MAPK10: variants seen among roughly 807,000 people sequenced by gnomAD.
MAPK10 encodes the protein mitogen-activated protein kinase 10.
A neutral mutation model predicts 59.3 loss-of-function variants in MAPK10; 25 were observed. The observed-to-expected ratio is 0.42, with a 90% CI of 0.31 to 0.59. MAPK10 has a LOEUF of 0.59. Among genes scored for constraint, MAPK10 ranks in the 20% least tolerant of loss-of-function variants. The pLI is 0.15. For missense variants in MAPK10, 351 were observed against 568.9 expected (o/e 0.62, Z 3.90); for synonymous variants, 190 against 200.5 (o/e 0.95, Z 0.44).
chr4:86,545,391 A>C (rs1759068781), intron 1 of MAPK10, among the ~76,000 whole-genome samples: 1 of 151,962 alleles, frequency 6.6e-6, no homozygotes, highest in African/African-American at 2.4e-5. Flanking sequence ...TTTAGTGAGG[A>C]TGGGGGAAGC....
intron 2 of MAPK10, among the ~76,000 whole-genome samples, chr4:86,195,164 G>T (rs1246529936): frequency 6.6e-6 from 1 of 152,052 alleles, no homozygotes; most frequent in African/African-American, 2.4e-5. Context: ...TGCCAAATTA[G>T]GTACTAAGTT....
At chr4:86,501,302 A>G (rs538168713) in intron 1 of MAPK10, among the ~76,000 whole-genome samples, 32 of 152,010 alleles carry the variant, frequency 2.1e-4, no homozygotes, top group Non-Finnish European at 4.3e-4. Context: ...TATAGTCTTC[A>G]ACAGCTTTCA....
rs1733470573 is a variant in MAPK10, at chr4:86,354,618, C to A, written c.-95G>T. ...TGCCATAGTGAAGATCTGAGATGGG[C>A]CTGCTGTTGGTGTTTCTCACACTAG... On this transcript the variant is annotated 5_prime_UTR_variant, in exon 2 of 14. Transcript: ENST00000641462. 2 of 1,230,074 alleles carry A rather than the reference C, an allele frequency of 1.6e-6. No individual in the cohort carries two copies. Among genetic ancestry groups the A allele is most frequent in the Non-Finnish European group, 1.0e-6 (1 of 986,416 alleles). The allele number at this position is 1,230,074 out of a possible 1,614,324, so 76.2% of individuals were successfully genotyped here.
At chr4:86,067,993 ACCACTAG>A in intron 9 of MAPK10, 38 bp from the exon 10 acceptor site, 1 of 1,411,510 alleles carries the variant, frequency 7.1e-7, no homozygotes, top group Non-Finnish European at 9.7e-7. Context: ...AGAAGAGCAG[ACCACTAG>A]CCTTTCAACA....
At chr4:86,301,968 T>C (rs565580529) in intron 2 of MAPK10, among the ~76,000 whole-genome samples, 53 of 152,322 alleles carry the variant, frequency 3.5e-4, no homozygotes, top group African/African-American at 1.2e-3. Flanking sequence ...GCCATTTCAC[T>C]GGCATCTCAG....
intron 4 of MAPK10, among the ~76,000 whole-genome samples, chr4:86,148,535 A>C (rs180900190): frequency 3.3e-5 from 5 of 152,310 alleles, no homozygotes; most frequent in African/African-American, 1.2e-4. Context: ...CCATGATGAT[A>C]GCCCAGCGGG....
intron 2 of MAPK10, among the ~76,000 whole-genome samples, chr4:86,271,292 G>A (rs2094426790): frequency 6.6e-6 from 1 of 151,684 alleles, no homozygotes; most frequent in Non-Finnish European, 1.5e-5. Flanking sequence ...CTTTTTGAGT[G>A]CATATTGGCC....
chr4:86,397,864 CAAAAAAAAAAAAAAAA>C (rs759585442), intron 1 of MAPK10, among the ~76,000 whole-genome samples: 1 of 51,756 alleles, frequency 1.9e-5, no homozygotes, highest in South Asian at 8.0e-4. Context: ...TCTGCTATGG[CAAAAAAAAAAAAAAAA>C]AAAAAAAAAA....
intron 2 of MAPK10, among the ~76,000 whole-genome samples, chr4:86,230,042 C>T (rs1472991691): frequency 6.6e-6 from 1 of 152,210 alleles, no homozygotes; most frequent in Admixed American, 6.5e-5. Flanking sequence ...GCGTGGGCAA[C>T]AGAGCGAGAC....
At chr4:86,540,444 G>A (rs963102764) in intron 1 of MAPK10, among the ~76,000 whole-genome samples, 2 of 152,178 alleles carry the variant, frequency 1.3e-5, no homozygotes, top group African/African-American at 4.8e-5. Flanking sequence ...AGGTTGCAGT[G>A]AGCCGGGATC....
At chr4:86,469,822 G>C (rs527863211) in intron 1 of MAPK10, among the ~76,000 whole-genome samples, 2 of 152,268 alleles carry the variant, frequency 1.3e-5, no homozygotes, top group South Asian at 4.1e-4. Context: ...GCATCCATTT[G>C]AGAGATTTTT....
chr4:86,167,237 C>T (rs2072071700), intron 3 of MAPK10, among the ~76,000 whole-genome samples: 1 of 152,022 alleles, frequency 6.6e-6, no homozygotes, highest in Non-Finnish European at 1.5e-5. Context: ...AGCCTACCAA[C>T]CAAAAAAAAG....
chr4:86,506,245 G>C (rs1755727451), intron 1 of MAPK10, among the ~76,000 whole-genome samples: 1 of 152,158 alleles, frequency 6.6e-6, no homozygotes, highest in African/African-American at 2.4e-5. Context: ...ACTGTCCTCT[G>C]AATAGGACCA....
At chr4:86,530,912 G>A (rs1757802791) in intron 1 of MAPK10, among the ~76,000 whole-genome samples, 1 of 152,166 alleles carries the variant, frequency 6.6e-6, no homozygotes, top group African/African-American at 2.4e-5. Context: ...AATGAGACAA[G>A]AAGACTACTT....
At chr4:86,136,372 G>A (rs1352062294) in intron 4 of MAPK10, among the ~76,000 whole-genome samples, 1 of 152,020 alleles carries the variant, frequency 6.6e-6, no homozygotes, top group Non-Finnish European at 1.5e-5. Context: ...GAGAGTGGGG[G>A]CCAATATTCA....
At chr4:86,471,274 GCAAAAA>G (rs1752640464) in intron 1 of MAPK10, among the ~76,000 whole-genome samples, 1 of 56,004 alleles carries the variant, frequency 1.8e-5, no homozygotes, top group Admixed American at 2.3e-4. Context: ...GTGCCCCCCT[GCAAAAA>G]AAAAAAAAAA....
At chr4:86,397,434 A>G (rs1334731679) in intron 1 of MAPK10, among the ~76,000 whole-genome samples, 11 of 152,138 alleles carry the variant, frequency 7.2e-5, no homozygotes, top group African/African-American at 2.7e-4. Context: ...TTACAACTAC[A>G]TATTTCATGT....
intron 13 of MAPK10, chr4:86,025,498 TAAAC>T (rs764439482): frequency 1.2e-4 from 48 of 398,290 alleles, no homozygotes; most frequent in Non-Finnish European, 1.5e-4. Flanking sequence ...GAAAATCTCT[TAAAC>T]AGAATTGAAC....
intron 2 of MAPK10, among the ~76,000 whole-genome samples, chr4:86,282,257 A>T (rs1278371744): frequency 6.6e-6 from 1 of 152,162 alleles, no homozygotes; most frequent in Non-Finnish European, 1.5e-5. Flanking sequence ...AAATCTCCAC[A>T]ATGTTTTGTG....
Sources: gnomAD v4.1 joint callset for allele counts (sites outside exome capture counted in the v4.1 genomes callset) on GRCh38, gnomAD v4.1.1 for gene constraint, MANE v1.5 for transcripts, NCBI Gene and HGNC (gene_info 2026-07-23, HGNC 2026-07-21) for gene names.